NTNG1: variants seen among roughly 807,000 people sequenced by gnomAD.
The protein encoded by NTNG1 is netrin-G1.
In NTNG1, 16 loss-of-function variants were observed where a neutral mutation model predicts 54.0. The observed-to-expected ratio is 0.30, with a 90% CI of 0.20 to 0.45. The LOEUF (loss-of-function observed/expected upper bound fraction) is 0.45, where lower values mean the gene tolerates loss of function less well. Ranked by LOEUF, NTNG1 falls within the 20% of genes least tolerant of loss-of-function variation. The pLI, the probability that NTNG1 is intolerant of heterozygous loss-of-function variation, is 1.00. For missense variants in NTNG1, 530 were observed against 678.7 expected, an observed-to-expected ratio of 0.78 and a Z score of 2.43; for synonymous variants, 255 against 263.1, an observed-to-expected ratio of 0.97 and a Z score of 0.30.
At chr1:107,180,016 C>G (rs1656951892) in intron 2 of NTNG1, among the ~76,000 whole-genome samples, 2 of 152,144 alleles carry the variant, frequency 1.3e-5, no homozygotes, top group Admixed American at 1.3e-4. Flanking sequence ...CCAATTAACT[C>G]AAGGCCCTAT....
chr1:107,372,003 T>A (rs1670946251), intron 3 of NTNG1, among the ~76,000 whole-genome samples: 1 of 152,072 alleles, frequency 6.6e-6, no homozygotes, highest in South Asian at 2.1e-4. Context: ...ATTTCAGATT[T>A]GAGGTGCTCA....
At chr1:107,206,116 T>G (rs1370412729) in intron 2 of NTNG1, among the ~76,000 whole-genome samples, 1 of 152,112 alleles carries the variant, frequency 6.6e-6, no homozygotes, top group South Asian at 2.1e-4. Context: ...ATTAGGTGTA[T>G]ACCTTGGAGA....
chr1:107,146,540 T>C (rs1654133752), intron 1 of NTNG1, among the ~76,000 whole-genome samples: 1 of 152,056 alleles, frequency 6.6e-6, no homozygotes, highest in South Asian at 2.1e-4. Context: ...TAGCTTAAGA[T>C]TTCAAAATGG....
chr1:107,467,427 G>C (rs1677678694), intron 7 of NTNG1, among the ~76,000 whole-genome samples: 1 of 152,138 alleles, frequency 6.6e-6, no homozygotes, highest in Non-Finnish European at 1.5e-5. Flanking sequence ...TTTATTGTAG[G>C]ACTTTGAGCA....
intron 2 of NTNG1, among the ~76,000 whole-genome samples, chr1:107,214,443 A>G (rs1422936129): frequency 2.0e-5 from 3 of 152,180 alleles, no homozygotes; most frequent in Non-Finnish European, 4.4e-5. Flanking sequence ...TGCAAATGTT[A>G]TTGTTTCATT....
intron 3 of NTNG1, among the ~76,000 whole-genome samples, chr1:107,390,654 C>T (rs1672304700): frequency 6.6e-6 from 1 of 152,092 alleles, no homozygotes; most frequent in Non-Finnish European, 1.5e-5. Flanking sequence ...ATTAATTAGT[C>T]CATTGTCAAA....
chr1:107,271,972 G>A (rs1664175032), intron 2 of NTNG1, among the ~76,000 whole-genome samples: 1 of 152,160 alleles, frequency 6.6e-6, no homozygotes, highest in Non-Finnish European at 1.5e-5. Flanking sequence ...ATGATTCAGA[G>A]TTTTAAGCTA....
chr1:107,423,971 C>A (rs934917547), intron 5 of NTNG1, among the ~76,000 whole-genome samples: 14 of 151,998 alleles, frequency 9.2e-5, no homozygotes, highest in African/African-American at 3.1e-4. Context: ...TTTTTCAGTG[C>A]TTAGTGTATG....
chr1:107,207,766 T>C (rs1659304112), intron 2 of NTNG1, among the ~76,000 whole-genome samples: 1 of 152,190 alleles, frequency 6.6e-6, no homozygotes, highest in African/African-American at 2.4e-5. Flanking sequence ...AAGAGATACT[T>C]TCGTAGCTCA....
rs1656823480 is a variant in NTNG1, at chr1:107,178,554, A to G, written c.246+29715A>G. ...TGTTTTATCTTCATTTTGTTAGGACATAGGTTCAATTAACTTATAAAGAAA... is the reference window on the plus strand; with the variant it reads ...TGTTTTATCTTCATTTTGTTAGGACGTAGGTTCAATTAACTTATAAAGAAA... On this transcript the variant is annotated intron_variant, in intron 2 of 7. Transcript: ENST00000370068. 5.3e-5 allele frequency among the ~76,000 whole-genome samples: 8 copies of G among 152,142 alleles called. No individual in the cohort carries two copies. In the South Asian group the frequency reaches 1.7e-3, roughly 32 times the overall value.
At chr1:107,361,771 C>T (rs142577947) in intron 3 of NTNG1, among the ~76,000 whole-genome samples, 2 of 152,118 alleles carry the variant, frequency 1.3e-5, no homozygotes, top group African/African-American at 4.8e-5. Context: ...CGGGAAATGA[C>T]TTCTTTATGG....
chr1:107,322,666 C>T (rs1667722480), intron 2 of NTNG1, among the ~76,000 whole-genome samples: 1 of 151,988 alleles, frequency 6.6e-6, no homozygotes, highest in Admixed American at 6.6e-5. Context: ...TTCCCCCCTC[C>T]CCTGGCTCAT....
chr1:107,220,462 A>G (rs1570889554), intron 2 of NTNG1, among the ~76,000 whole-genome samples: 1 of 152,132 alleles, frequency 6.6e-6, no homozygotes, highest in Non-Finnish European at 1.5e-5. Context: ...TCTATCCACC[A>G]TTTTCCTACC....
intron 2 of NTNG1, among the ~76,000 whole-genome samples, chr1:107,175,821 C>T (rs1477849750): frequency 6.6e-6 from 1 of 152,020 alleles, no homozygotes; most frequent in Non-Finnish European, 1.5e-5. Context: ...ATTCATTTAA[C>T]ATATGCATGG....
chr1:107,238,785 A>T (rs1661590830), intron 2 of NTNG1, among the ~76,000 whole-genome samples: 1 of 144,036 alleles, frequency 6.9e-6, no homozygotes, highest in African/African-American at 2.5e-5. Flanking sequence ...CTGTGAGTCC[A>T]ATTAAACACT....
chr1:107,270,872 A>C (rs540209226), intron 2 of NTNG1, among the ~76,000 whole-genome samples: 1 of 152,220 alleles, frequency 6.6e-6, no homozygotes, highest in East Asian at 1.9e-4. Flanking sequence ...TTTTAAGAGA[A>C]GACACTTATA....
At chr1:107,221,701 GCTGGCAC>G (rs1412941381) in intron 2 of NTNG1, among the ~76,000 whole-genome samples, 1 of 152,186 alleles carries the variant, frequency 6.6e-6, no homozygotes, top group Non-Finnish European at 1.5e-5. Context: ...TTGGGCCGTG[GCTGGCAC>G]CTGGTATGTG....
At chr1:107,221,209 C>T (rs1660320782) in intron 2 of NTNG1, among the ~76,000 whole-genome samples, 1 of 151,930 alleles carries the variant, frequency 6.6e-6, no homozygotes, top group Admixed American at 6.6e-5. Context: ...TCATACAGTC[C>T]ATCCTAATGA....
chr1:107,191,619 G>A (rs1657936099), intron 2 of NTNG1, among the ~76,000 whole-genome samples: 1 of 151,726 alleles, frequency 6.6e-6, no homozygotes. Flanking sequence ...GTGTAAGGAA[G>A]GGATCCAGTT....
Sources: allele counts gnomAD v4.1 joint callset (sites outside exome capture counted in the v4.1 genomes callset), GRCh38; gene constraint gnomAD v4.1.1; transcripts MANE v1.5; gene names NCBI Gene and HGNC (gene_info 2026-07-23, HGNC 2026-07-21).